BMPR1A: variants seen among roughly 807,000 people sequenced by gnomAD.
BMPR1A encodes bone morphogenetic protein receptor type-1A.
BMPR1A carries 7 observed loss-of-function variants against 66.0 expected under a neutral mutation model. That is an observed-to-expected ratio of 0.11 (90% CI 0.06 to 0.20). The LOEUF (loss-of-function observed/expected upper bound fraction) is 0.20, where lower values mean the gene tolerates loss of function less well. Among genes scored for constraint, BMPR1A ranks in the 10% least tolerant of loss-of-function variants. The probability of loss-of-function intolerance (pLI) is 1.00; values close to 1 mark genes in which losing one functional copy is unlikely to be tolerated. For missense variants in BMPR1A, 408 were observed against 669.1 expected, an observed-to-expected ratio of 0.61 and a Z score of 4.31; for synonymous variants, 200 against 229.7, an observed-to-expected ratio of 0.87 and a Z score of 1.17.
rs1843724979 is a variant in BMPR1A at position 86,925,333 on chromosome 10, C to A, written c.*1614C>A. On this transcript the variant is annotated 3_prime_UTR_variant, in exon 13 of 13. Transcript: ENST00000372037. Reference sequence around the variant, plus strand: ...TAACATAAAATAAATGTGATTATATCACATCATCATCAAAAAGGTTTAAAT... The same window carrying A: ...TAACATAAAATAAATGTGATTATATAACATCATCATCAAAAAGGTTTAAAT... 4.5e-6 allele frequency: 1 copy of A among 221,168 alleles called. No individual in the cohort carries two copies. The highest frequency in any genetic ancestry group is 2.2e-5 in the African/African-American group (1 of 44,692). 13.7% of individuals were successfully genotyped at this position (221,168 alleles called of 1,614,324 possible).
At chr10:86,826,992 ATCTT>A (rs146147226) in intron 1 of BMPR1A, among the ~76,000 whole-genome samples, 11,466 of 97,742 alleles carry the variant, frequency 0.12, 507 homozygotes, top group Non-Finnish European at 0.13. Context: ...CTATCTACTT[ATCTT>A]TCTATCTATT....
chr10:86,826,214 ATTAT>A (rs1564696412), intron 1 of BMPR1A, among the ~76,000 whole-genome samples: 1 of 152,190 alleles, frequency 6.6e-6, no homozygotes, highest in Non-Finnish European at 1.5e-5. Flanking sequence ...GAAGAGTTAC[ATTAT>A]CATACTTAAG....
chr10:86,788,611 C>T (rs1291463572), intron 1 of BMPR1A, among the ~76,000 whole-genome samples: 1 of 152,042 alleles, frequency 6.6e-6, no homozygotes, highest in African/African-American at 2.4e-5. Context: ...CGGTTCTTCC[C>T]TTTTTATTTT....
chr10:86,847,091 G>C (rs1455063202), intron 2 of BMPR1A, among the ~76,000 whole-genome samples: 3 of 152,076 alleles, frequency 2.0e-5, no homozygotes, highest in Non-Finnish European at 2.9e-5. Flanking sequence ...CTGACCTCAA[G>C]TGATCTACCC....
intron 1 of BMPR1A, among the ~76,000 whole-genome samples, chr10:86,806,898 G>T (rs989452853): frequency 1.3e-5 from 2 of 152,050 alleles, no homozygotes; most frequent in East Asian, 3.9e-4. Flanking sequence ...TTGATAGCGG[G>T]AGTCTCTTCA....
At chr10:86,824,890 A>C (rs1181106631) in intron 1 of BMPR1A, among the ~76,000 whole-genome samples, 1 of 152,204 alleles carries the variant, frequency 6.6e-6, no homozygotes, top group Non-Finnish European at 1.5e-5. Flanking sequence ...GTCCACATAA[A>C]GGAATTGATT....
rs10572910 is a variant in BMPR1A at position 86,886,828 on chromosome 10, CTTTTTTTTT to C, written c.68-3222_68-3214del. ...ATGTAAACACCTCCGTATTTTGTCA[CTTTTTTTTT>C]TTTTTTTTTTTGAGATGGATTTTCG... On this transcript the variant is annotated intron_variant, in intron 3 of 12. Coordinates refer to ENST00000372037, the MANE Select transcript of BMPR1A (RefSeq NM_004329.3). 5.2e-5 allele frequency among the ~76,000 whole-genome samples: 4 copies of C among 76,708 alleles called. No homozygotes were observed. The East Asian group carries it at 1.2e-3, about 23-fold the overall frequency. 50.3% of individuals were successfully genotyped at this position (76,708 alleles called of 152,430 possible).
At chr10:86,772,425 C>T (rs1215855425) in intron 1 of BMPR1A, among the ~76,000 whole-genome samples, 8 of 152,020 alleles carry the variant, frequency 5.3e-5, no homozygotes, top group African/African-American at 1.7e-4. Context: ...CCACCGCGCC[C>T]GGCCAGAGAT....
chr10:86,787,143 A>T (rs1238043475), intron 1 of BMPR1A, among the ~76,000 whole-genome samples: 1 of 152,194 alleles, frequency 6.6e-6, no homozygotes, highest in Non-Finnish European at 1.5e-5. Flanking sequence ...ACACTCTTAT[A>T]AAGTACAATC....
Position 86,926,897 on chromosome 10 carries a change from C to T in BMPR1A, c.*3178C>T. On this transcript the variant is annotated 3_prime_UTR_variant, in exon 13 of 13. Transcript: ENST00000372037. The stretch of plus-strand genomic sequence containing the variant: ...GCAAATAGCTCTAGGATTAAAGGCA[C>T]ATTAGGGTTTCCTTCAGTTTGTTTA... 1 of 194,086 alleles carries T rather than the reference C, an allele frequency of 5.2e-6. No individual in the cohort carries two copies. The highest frequency in any genetic ancestry group is 1.1e-5 in the Non-Finnish European group (1 of 93,288). 12.0% of individuals were successfully genotyped at this position (194,086 alleles called of 1,614,324 possible).
intron 1 of BMPR1A, among the ~76,000 whole-genome samples, chr10:86,824,316 G>C (rs898327013): frequency 2.0e-5 from 3 of 152,120 alleles, no homozygotes; most frequent in African/African-American, 7.2e-5. Context: ...ACCTGTTGTT[G>C]CTTCCTTTTG....
chr10:86,911,115 A>G (rs1843475191), intron 7 of BMPR1A, among the ~76,000 whole-genome samples: 1 of 147,566 alleles, frequency 6.8e-6, no homozygotes, highest in Non-Finnish European at 1.5e-5. Context: ...AGATCGTGCC[A>G]CTACACTCTA....
intron 1 of BMPR1A, among the ~76,000 whole-genome samples, chr10:86,812,950 CTG>C (rs1841990851): frequency 6.6e-6 from 1 of 152,192 alleles, no homozygotes; most frequent in Non-Finnish European, 1.5e-5. Context: ...TATAAATCCT[CTG>C]TGCTTTCTGC....
intron 7 of BMPR1A, among the ~76,000 whole-genome samples, chr10:86,909,605 AAAG>A (rs1162992203): frequency 1.3e-5 from 2 of 151,864 alleles, no homozygotes; most frequent in African/African-American, 4.8e-5. Flanking sequence ...AAAAGAAAAA[AAAG>A]AAAAAAGAAT....
chr10:86,910,232 G>T (rs71473283), intron 7 of BMPR1A, among the ~76,000 whole-genome samples: 9,373 of 152,206 alleles, frequency 0.062, 695 homozygotes, highest in African/African-American at 0.17. Flanking sequence ...AGCTACTCGG[G>T]AGGCTGAGGC....
intron 7 of BMPR1A, among the ~76,000 whole-genome samples, chr10:86,906,378 C>T (rs1255041728): frequency 6.6e-6 from 1 of 152,062 alleles, no homozygotes; most frequent in African/African-American, 2.4e-5. Context: ...CTATGGTTTG[C>T]TATCTTTCAT....
At chr10:86,877,457 T>A (rs1372847483) in intron 3 of BMPR1A, among the ~76,000 whole-genome samples, 1 of 152,184 alleles carries the variant, frequency 6.6e-6, no homozygotes, top group Admixed American at 6.6e-5. Context: ...TCCACCCACT[T>A]CGGCCTCCCA....
chr10:86,868,776 G>GTTTTTTTTTTTT, intron 2 of BMPR1A, among the ~76,000 whole-genome samples: 2 of 115,932 alleles, frequency 1.7e-5, no homozygotes, highest in African/African-American at 7.2e-5. Context: ...GCCTTTTCCT[G>GTTTTTTTTTTTT]TGTTTTTTTT....
At chr10:86,772,090 A>T in intron 1 of BMPR1A, among the ~76,000 whole-genome samples, 2 of 144,226 alleles carry the variant, frequency 1.4e-5, no homozygotes, top group Non-Finnish European at 1.5e-5. Context: ...CATCTCTGAG[A>T]TGTATACATG....
Sources: gnomAD v4.1 joint callset for allele counts (sites outside exome capture counted in the v4.1 genomes callset) on GRCh38, gnomAD v4.1.1 for gene constraint, MANE v1.5 for transcripts, NCBI Gene and HGNC (gene_info 2026-07-23, HGNC 2026-07-21) for gene names.